Variants in ATP8A1 observed in about 807,000 individuals in gnomAD.
ATP8A1 encodes phospholipid-transporting ATPase IA.
A neutral mutation model predicts 177.7 loss-of-function variants in ATP8A1; 90 were observed. That is an observed-to-expected ratio of 0.51 (90% CI 0.43 to 0.60). The LOEUF is 0.60. ATP8A1 is among the 20% of genes least tolerant of loss of function. The pLI is 0.00. For synonymous variants in ATP8A1, 493 were observed against 485.9 expected (o/e 1.01, Z -0.19); for missense variants, 1,072 against 1,392.8 (o/e 0.77, Z 3.67).
intron 7 of ATP8A1, among the ~76,000 whole-genome samples, chr4:42,588,954 C>T (rs1733893729): frequency 1.3e-5 from 2 of 152,318 alleles, no homozygotes; most frequent in South Asian, 4.1e-4. Context: ...ATTAAAGTTG[C>T]TTGAGAGATT....
At chr4:42,559,791 C>G (rs539892417) in intron 15 of ATP8A1, among the ~76,000 whole-genome samples, 1 of 152,292 alleles carries the variant, frequency 6.6e-6, no homozygotes, top group African/African-American at 2.4e-5. Context: ...CTGCAACCTC[C>G]ACCTCCTGGG....
intron 20 of ATP8A1, among the ~76,000 whole-genome samples, chr4:42,535,339 C>CATAAA (rs1727704488): frequency 6.6e-6 from 1 of 152,054 alleles, no homozygotes; most frequent in African/African-American, 2.4e-5. Context: ...ACAAAACAAA[C>CATAAA]ATAAAGCAAC....
In ATP8A1 at chr4:42,590,853, T is replaced by A; in HGVS notation, c.482A>T (p.Asn161Ile). ...VAVGEIVKVT[N>I]GEHLPADLIS... ...GAGATCTGCTGGGAGATGTTCCCCATTGGTCACTTTCACTATCTCCCCTAC... is the reference window on the plus strand; with the variant it reads ...GAGATCTGCTGGGAGATGTTCCCCAATGGTCACTTTCACTATCTCCCCTAC... Residue 161 changes from asparagine (N) to isoleucine (I), a missense_variant, in exon 7 of 37, where the codon AAT becomes ATT. Transcript: ENST00000381668. The A allele has an allele frequency of 6.2e-7, 1 of 1,613,698 alleles. No individual in the cohort carries two copies. The highest frequency in any genetic ancestry group is 8.5e-7 in the Non-Finnish European group (1 of 1,179,890).
intron 17 of ATP8A1, 40 bp downstream of exon 17, chr4:42,552,465 T>C (rs911164260): frequency 1.3e-6 from 2 of 1,500,974 alleles, no homozygotes; most frequent in African/African-American, 2.8e-5. Context: ...TTCAGAACAA[T>C]TTTCCACAAA....
intron 5 of ATP8A1, among the ~76,000 whole-genome samples, chr4:42,607,447 A>G (rs17447926): frequency 0.22 from 34,225 of 152,164 alleles, 4,338 homozygotes; most frequent in Non-Finnish European, 0.29. Context: ...GAACAATGAA[A>G]ATAAACACCA....
At chr4:42,594,674 T>A (rs1734551724) in intron 6 of ATP8A1, among the ~76,000 whole-genome samples, 1 of 152,128 alleles carries the variant, frequency 6.6e-6, no homozygotes, top group Admixed American at 6.6e-5. Flanking sequence ...TTTACCAATA[T>A]AAATCTTTAT....
At chr4:42,514,654 T>C (rs991256040) in intron 22 of ATP8A1, among the ~76,000 whole-genome samples, 1 of 152,126 alleles carries the variant, frequency 6.6e-6, no homozygotes, top group Non-Finnish European at 1.5e-5. Context: ...ATTTTTCAAG[T>C]CTCCAATATT....
At chr4:42,454,813 G>A (rs2088163330) in intron 29 of ATP8A1, among the ~76,000 whole-genome samples, 1 of 152,114 alleles carries the variant, frequency 6.6e-6, no homozygotes, top group Non-Finnish European at 1.5e-5. Context: ...TTTAATGCCT[G>A]ACACAATCAA....
chr4:42,424,484 A>G (rs1245569912), intron 33 of ATP8A1, among the ~76,000 whole-genome samples: 1 of 152,154 alleles, frequency 6.6e-6, no homozygotes, highest in Non-Finnish European at 1.5e-5. Flanking sequence ...CCATATATGT[A>G]TTGTTCTAAT....
chr4:42,475,835 T>G (rs1190404648), intron 25 of ATP8A1, among the ~76,000 whole-genome samples: 1 of 152,016 alleles, frequency 6.6e-6, no homozygotes, highest in East Asian at 1.9e-4. Context: ...GTCAGGAGTT[T>G]GAGACCAGCC....
At chr4:42,541,049 C>T (rs1255977380) in intron 20 of ATP8A1, among the ~76,000 whole-genome samples, 3 of 151,964 alleles carry the variant, frequency 2.0e-5, no homozygotes, top group Admixed American at 2.0e-4. Context: ...TCACTTGAGC[C>T]CAGGAATCTG....
At chr4:42,620,545 C>T (rs1014273514) in intron 4 of ATP8A1, among the ~76,000 whole-genome samples, 1 of 152,106 alleles carries the variant, frequency 6.6e-6, no homozygotes, top group African/African-American at 2.4e-5. Flanking sequence ...TGCCAGGGAA[C>T]AAAACAAAGC....
At chr4:42,436,620 G>A (rs1577928495) in intron 33 of ATP8A1, among the ~76,000 whole-genome samples, 3 of 152,316 alleles carry the variant, frequency 2.0e-5, no homozygotes, top group Admixed American at 2.0e-4. Flanking sequence ...CCAATGGCAG[G>A]TTTTACTGGA....
chr4:42,424,950 C>A (rs902804949), intron 33 of ATP8A1, among the ~76,000 whole-genome samples: 31 of 152,138 alleles, frequency 2.0e-4, no homozygotes, highest in African/African-American at 7.5e-4. Flanking sequence ...ATGAAAAATA[C>A]TCACATAAAA....
At chr4:42,574,879 A>G (rs1228246123) in intron 13 of ATP8A1, among the ~76,000 whole-genome samples, 172 bp from the exon 14 acceptor site, 2 of 152,214 alleles carry the variant, frequency 1.3e-5, no homozygotes, top group Non-Finnish European at 2.9e-5. Context: ...AAAGTATTTT[A>G]CAAATGAATC....
At chr4:42,429,072 T>C (rs1008312742) in intron 33 of ATP8A1, among the ~76,000 whole-genome samples, 3 of 152,192 alleles carry the variant, frequency 2.0e-5, no homozygotes, top group African/African-American at 7.2e-5. Context: ...CCTAGTGTTG[T>C]AGAAACTATG....
chr4:42,453,035 T>C (rs1718100573), intron 29 of ATP8A1, among the ~76,000 whole-genome samples: 1 of 152,210 alleles, frequency 6.6e-6, no homozygotes, highest in South Asian at 2.1e-4. Flanking sequence ...TGTTACTCAT[T>C]AACCTTTGTC....
intron 5 of ATP8A1, among the ~76,000 whole-genome samples, chr4:42,610,158 AATT>A (rs1172571177): frequency 7.5e-5 from 10 of 134,056 alleles, no homozygotes; most frequent in Non-Finnish European, 1.7e-5. Context: ...TTTGGCCCTT[AATT>A]TTTTTTTTTT....
chr4:42,586,201 C>T (rs1171768914), intron 9 of ATP8A1, 148 bp downstream of exon 9: 1 of 799,316 alleles, frequency 1.3e-6, no homozygotes, highest in Non-Finnish European at 1.9e-6. Context: ...CACAGAAGGA[C>T]TCAGGGCAGA....
Sources: gnomAD v4.1 joint callset for allele counts (sites outside exome capture counted in the v4.1 genomes callset) on GRCh38, gnomAD v4.1.1 for gene constraint, MANE v1.5 for transcripts, NCBI Gene and HGNC (gene_info 2026-07-23, HGNC 2026-07-21) for gene names.